Variants in NRG1 observed in about 807,000 individuals in gnomAD.
NRG1 encodes pro-neuregulin-1, membrane-bound isoform.
A neutral mutation model predicts 63.8 loss-of-function variants in NRG1; 18 were observed. The observed-to-expected ratio is 0.28, with a 90% CI of 0.19 to 0.42. The LOEUF (loss-of-function observed/expected upper bound fraction) is 0.42, where lower values mean the gene tolerates loss of function less well. Among genes scored for constraint, NRG1 ranks in the 10% least tolerant of loss-of-function variants. The pLI is 1.00. For synonymous variants in NRG1, 302 were observed against 301.3 expected (o/e 1.00, Z -0.02); for missense variants, 762 against 814.7 (o/e 0.94, Z 0.79).
At chr8:32,514,334 C>T (rs1217091335) in intron 1 of NRG1, among the ~76,000 whole-genome samples, 1 of 151,806 alleles carries the variant, frequency 6.6e-6, no homozygotes, top group Non-Finnish European at 1.5e-5. Context: ...TACTTGATAC[C>T]TTTTGTAGTG....
chr8:32,156,952 G>C (rs981361070), intron 1 of NRG1, among the ~76,000 whole-genome samples: 3 of 151,990 alleles, frequency 2.0e-5, no homozygotes, highest in Non-Finnish European at 4.4e-5. Flanking sequence ...AAAAGTTCTA[G>C]GATATTGGAG....
intron 1 of NRG1, among the ~76,000 whole-genome samples, chr8:31,897,748 C>A (rs892445591): frequency 6.6e-6 from 1 of 152,046 alleles, no homozygotes; most frequent in Non-Finnish European, 1.5e-5. Flanking sequence ...GGCATAGTGG[C>A]TCATGCCTGT....
intron 1 of NRG1, among the ~76,000 whole-genome samples, chr8:31,988,286 G>C (rs1436083202): frequency 2.0e-5 from 3 of 152,078 alleles, no homozygotes; most frequent in Non-Finnish European, 4.4e-5. Flanking sequence ...AATTTTCAGA[G>C]TTCGACCATA....
Position 32,584,804 on chromosome 8 carries a change from A to G in NRG1, c.101-11024A>G, listed in dbSNP as rs1426227948. Among the ~76,000 whole-genome samples the G allele has an allele frequency of 2.0e-5, 3 of 152,210 alleles. No homozygotes were observed. In the East Asian group the frequency reaches 5.8e-4, roughly 29 times the overall value. ...GGGAACTAATGTTCTTAGATCATGAATCAGGGACTTTGTTCATTTATATGC... is the reference window on the plus strand; with the variant it reads ...GGGAACTAATGTTCTTAGATCATGAGTCAGGGACTTTGTTCATTTATATGC... On this transcript the variant is annotated intron_variant, in intron 1 of 11. Coordinates refer to ENST00000356819, the Ensembl canonical transcript of NRG1.
At position 31,784,426 on chromosome 8, in the gene NRG1, T is replaced by C. The variant is rs1053098646; in HGVS notation, c.37+144995T>C. On this transcript the variant is annotated intron_variant, in intron 1 of 10. Coordinates refer to the NRG1 transcript ENST00000519301. ...CTTGGTGTGCAAAAATACCCTAGGG[T>C]AAAGATAAATGTAATTGTTTTTGAA... Among the ~76,000 whole-genome samples, 55 of 152,194 alleles carry C rather than the reference T, an allele frequency of 3.6e-4. 1 individual carries two copies. The highest frequency in any genetic ancestry group is 1.2e-3 in the African/African-American group (48 of 41,512).
At chr8:32,079,553 A>G (rs955941561) in intron 1 of NRG1, among the ~76,000 whole-genome samples, 5 of 152,210 alleles carry the variant, frequency 3.3e-5, no homozygotes, top group Non-Finnish European at 7.4e-5. Flanking sequence ...TCTTTCTTGT[A>G]CAAATGTAAA....
At chr8:32,163,319 G>A (rs943345815) in intron 1 of NRG1, among the ~76,000 whole-genome samples, 1 of 152,164 alleles carries the variant, frequency 6.6e-6, no homozygotes, top group African/African-American at 2.4e-5. Context: ...CAGCCCTCAA[G>A]GGAACTGTTT....
At chr8:32,378,612 T>C (rs1265288955) in intron 1 of NRG1, among the ~76,000 whole-genome samples, 2 of 152,206 alleles carry the variant, frequency 1.3e-5, no homozygotes, top group Admixed American at 6.5e-5. Flanking sequence ...ATTTCAATTG[T>C]TGAAAACATA....
At chr8:32,022,586 G>A (rs1024856541) in intron 1 of NRG1, among the ~76,000 whole-genome samples, 1 of 152,116 alleles carries the variant, frequency 6.6e-6, no homozygotes, top group Admixed American at 6.6e-5. Flanking sequence ...GCAAGGGAGA[G>A]GGAACTATTC....
intron 1 of NRG1, among the ~76,000 whole-genome samples, chr8:32,182,350 A>G (rs140354474): frequency 0.042 from 6,370 of 152,236 alleles, 200 homozygotes; most frequent in Middle Eastern, 0.092. Context: ...GGGTTCAAGC[A>G]ACTCTCCTGC....
chr8:31,892,088 C>A (rs1488345587), intron 1 of NRG1, among the ~76,000 whole-genome samples: 2 of 151,990 alleles, frequency 1.3e-5, no homozygotes, highest in African/African-American at 2.4e-5. Flanking sequence ...GTGTCAATAT[C>A]CTGAATGTGA....
intron 1 of NRG1, among the ~76,000 whole-genome samples, chr8:31,642,907 A>G (rs1803935793): frequency 6.6e-6 from 1 of 152,222 alleles, no homozygotes; most frequent in East Asian, 1.9e-4. Context: ...ACTGGAGGAT[A>G]AAAGCAAATA....
In NRG1 at chr8:32,698,518, C is replaced by T. The variant is rs148133123; in HGVS notation, c.503-29431C>T. Among the ~76,000 whole-genome samples, 55 of 152,272 alleles carry T rather than the reference C, an allele frequency of 3.6e-4. No homozygotes were observed. The East Asian group carries it at 9.9e-3, about 27-fold the overall frequency. ...TAAGGTGTTTCAATAGCAGACATAC[C>T]TGTCTTTATTGCAGTGGGGAGAAAG... On this transcript the variant is annotated intron_variant, in intron 5 of 11. Transcript: ENST00000356819.
chr8:31,813,516 C>CTTTTCTTTTCTTTTTTTTTTTT, intron 1 of NRG1, among the ~76,000 whole-genome samples: 6 of 101,214 alleles, frequency 5.9e-5, no homozygotes, highest in East Asian at 3.6e-4. Flanking sequence ...CTTTTCTTTT[C>CTTTTCTTTTCTTTTTTTTTTTT]TTTTTTTTTT....
At chr8:32,626,524 C>T (rs1563798544) in intron 5 of NRG1, among the ~76,000 whole-genome samples, 1 of 151,606 alleles carries the variant, frequency 6.6e-6, no homozygotes, top group African/African-American at 2.4e-5. Flanking sequence ...ACTAAAAATA[C>T]AAAAAATTAG....
intron 1 of NRG1, among the ~76,000 whole-genome samples, chr8:31,845,848 T>C (rs749540626): frequency 4.6e-5 from 7 of 152,184 alleles, no homozygotes; most frequent in Non-Finnish European, 1.0e-4. Context: ...CAGAATGGAT[T>C]TTATAGGCAA....
intron 1 of NRG1, among the ~76,000 whole-genome samples, chr8:32,338,499 G>A (rs932532698): frequency 4.6e-5 from 7 of 152,098 alleles, no homozygotes; most frequent in African/African-American, 1.7e-4. Flanking sequence ...CCTTCAAAAT[G>A]TCTGTACGCT....
intron 5 of NRG1, among the ~76,000 whole-genome samples, chr8:32,661,278 G>A (rs1802782711): frequency 1.3e-5 from 2 of 152,200 alleles, no homozygotes; most frequent in African/African-American, 4.8e-5. Context: ...TATCTTAGTT[G>A]TTGAAGAACT....
At chr8:31,925,727 C>T (rs1834308893) in intron 1 of NRG1, among the ~76,000 whole-genome samples, 1 of 150,546 alleles carries the variant, frequency 6.6e-6, no homozygotes, top group South Asian at 2.1e-4. Flanking sequence ...TCTTCTGTGT[C>T]AATTCTGCTA....
Sources: allele counts gnomAD v4.1 joint callset (sites outside exome capture counted in the v4.1 genomes callset), GRCh38; gene constraint gnomAD v4.1.1; transcripts MANE v1.5; gene names NCBI Gene and HGNC (gene_info 2026-07-23, HGNC 2026-07-21).